The following CACNA2D3 variants were observed in gnomAD, a reference collection of about 807,000 sequenced individuals.
CACNA2D3 encodes the protein calcium voltage-gated channel auxiliary subunit alpha2delta 3, also known as voltage-dependent calcium channel subunit alpha-2/delta-3.
CACNA2D3 carries 60 observed loss-of-function variants against 160.6 expected under a neutral mutation model. That is an observed-to-expected ratio of 0.37 (90% CI 0.30 to 0.46). CACNA2D3 has a LOEUF of 0.46. CACNA2D3 is among the 20% of genes least tolerant of loss of function. The pLI is 1.00. For synonymous variants in CACNA2D3, 558 were observed against 492.9 expected (o/e 1.13, Z -1.75); for missense variants, 1,205 against 1,365.0 (o/e 0.88, Z 1.85).
chr3:54,240,920 TGAGTA>T (rs1157146583), intron 2 of CACNA2D3, among the ~76,000 whole-genome samples: 1 of 152,134 alleles, frequency 6.6e-6, no homozygotes, highest in Admixed American at 6.5e-5. Context: ...TTTTGTATTT[TGAGTA>T]GAGACGGGTT....
At chr3:55,031,703 G>C (rs1208084946) in intron 35 of CACNA2D3, among the ~76,000 whole-genome samples, 1 of 152,120 alleles carries the variant, frequency 6.6e-6, no homozygotes, top group Non-Finnish European at 1.5e-5. Context: ...TTCGTGCCTT[G>C]GAAGATATAG....
At chr3:54,819,937 C>A in intron 14 of CACNA2D3, among the ~76,000 whole-genome samples, 1 of 152,078 alleles carries the variant, frequency 6.6e-6, no homozygotes, top group East Asian at 1.9e-4. Flanking sequence ...TCTTGAAACC[C>A]CAACAAAGCA....
chr3:54,733,821 G>A (rs1701440732), intron 11 of CACNA2D3, among the ~76,000 whole-genome samples: 1 of 152,156 alleles, frequency 6.6e-6, no homozygotes. Context: ...GTTGCCTCCA[G>A]CGGTCTGAAC....
At chr3:54,463,392 T>C (rs370827172) in intron 4 of CACNA2D3, among the ~76,000 whole-genome samples, 1 of 152,200 alleles carries the variant, frequency 6.6e-6, no homozygotes, top group Non-Finnish European at 1.5e-5. Flanking sequence ...GTTCCATTCT[T>C]CCCGTCACTT....
intron 2 of CACNA2D3, among the ~76,000 whole-genome samples, chr3:54,255,270 A>G (rs1035721965): frequency 2.0e-5 from 3 of 152,216 alleles, no homozygotes; most frequent in Non-Finnish European, 4.4e-5. Flanking sequence ...AAACTTTCCA[A>G]ACTGAACTTG....
chr3:54,260,599 A>G (rs912717722), intron 2 of CACNA2D3, among the ~76,000 whole-genome samples: 1 of 152,200 alleles, frequency 6.6e-6, no homozygotes. Flanking sequence ...GAACTTGTAA[A>G]TTACATTTCC....
At chr3:54,153,163 G>A (rs924083713) in intron 2 of CACNA2D3, among the ~76,000 whole-genome samples, 8 of 152,276 alleles carry the variant, frequency 5.3e-5, no homozygotes, top group Non-Finnish European at 1.2e-4. Flanking sequence ...GACCTTGGGC[G>A]GGTATAAGTT....
At chr3:54,372,533 A>T (rs74445627) in intron 3 of CACNA2D3, among the ~76,000 whole-genome samples, 1,708 of 152,272 alleles carry the variant, frequency 0.011, 26 homozygotes, top group African/African-American at 0.039. Context: ...TTCAGTTTCT[A>T]CTGTCAGTTT....
At chr3:54,224,511 G>A (rs1159394837) in intron 2 of CACNA2D3, among the ~76,000 whole-genome samples, 1 of 152,136 alleles carries the variant, frequency 6.6e-6, no homozygotes, top group Non-Finnish European at 1.5e-5. Flanking sequence ...CAACACCTGG[G>A]ACATCACTAA....
At chr3:54,793,274 T>C (rs1380016125) in intron 13 of CACNA2D3, among the ~76,000 whole-genome samples, 1 of 152,262 alleles carries the variant, frequency 6.6e-6, no homozygotes, top group East Asian at 1.9e-4. Context: ...CGATATCTCC[T>C]GTGAGAAGTG....
rs75946899 is a variant in CACNA2D3 at position 54,880,154 on chromosome 3, G to A, written c.1845-642G>A. Among the ~76,000 whole-genome samples, 823 of 152,284 alleles carry A rather than the reference G, an allele frequency of 5.4e-3. 4 individuals carry two copies. The highest frequency in any genetic ancestry group is 0.016 in the African/African-American group (659 of 41,558). Reference sequence around the variant, plus strand: ...ATGGGTGGATTCCATGTGGAACCAGGAGCAAATAAGGACCACATGAGCTGC... The same window carrying A: ...ATGGGTGGATTCCATGTGGAACCAGAAGCAAATAAGGACCACATGAGCTGC... On this transcript the variant is annotated intron_variant, in intron 20 of 37. Coordinates refer to ENST00000474759, the MANE Select transcript of CACNA2D3 (RefSeq NM_018398.3).
At chr3:54,484,790 G>A (rs1015450057) in intron 4 of CACNA2D3, among the ~76,000 whole-genome samples, 29 of 151,888 alleles carry the variant, frequency 1.9e-4, no homozygotes, top group African/African-American at 6.8e-4. Flanking sequence ...TTTTTAGTCT[G>A]TTGTGAATTA....
At chr3:54,948,675 A>G (rs952427866) in intron 27 of CACNA2D3, among the ~76,000 whole-genome samples, 3 of 152,210 alleles carry the variant, frequency 2.0e-5, no homozygotes, top group Non-Finnish European at 1.5e-5. Flanking sequence ...GAAGGGCACC[A>G]TTCATGCCAC....
chr3:54,854,702 T>C (rs1699128566), intron 17 of CACNA2D3, among the ~76,000 whole-genome samples: 1 of 152,060 alleles, frequency 6.6e-6, no homozygotes, highest in South Asian at 2.1e-4. Context: ...CGTGGAGTGC[T>C]CACCACAGAG....
At chr3:54,755,754 A>T (rs1182631069) in intron 12 of CACNA2D3, among the ~76,000 whole-genome samples, 1 of 152,014 alleles carries the variant, frequency 6.6e-6, no homozygotes, top group Non-Finnish European at 1.5e-5. Flanking sequence ...AGTTAGCTAT[A>T]CTTTTCCCAT....
intron 13 of CACNA2D3, among the ~76,000 whole-genome samples, chr3:54,766,239 GA>G (rs1317286907): frequency 6.6e-6 from 1 of 151,960 alleles, no homozygotes; most frequent in Non-Finnish European, 1.5e-5. Flanking sequence ...TACACATGAA[GA>G]ATTAATAATC....
chr3:54,804,232 A>G (rs1703061531), intron 13 of CACNA2D3, among the ~76,000 whole-genome samples: 1 of 151,980 alleles, frequency 6.6e-6, no homozygotes, highest in Non-Finnish European at 1.5e-5. Flanking sequence ...AAATGGACTA[A>G]ATGCTCCAAT....
intron 27 of CACNA2D3, among the ~76,000 whole-genome samples, chr3:54,923,257 G>A (rs761746204): frequency 1.3e-5 from 2 of 152,106 alleles, no homozygotes; most frequent in Non-Finnish European, 2.9e-5. Flanking sequence ...TACTGGTGTT[G>A]TCTTGTCTGT....
At position 54,918,855 on chromosome 3, in the gene CACNA2D3, G is replaced by A. The variant is rs200962085; in HGVS notation, c.2449+18987G>A. 3 of 1,568,112 alleles carry A rather than the reference G, an allele frequency of 1.9e-6. No homozygotes were observed. The South Asian group carries it at 3.6e-5, about 19-fold the overall frequency. On this transcript the variant is annotated intron_variant, in intron 27 of 37. Coordinates refer to ENST00000474759, the MANE Select transcript of CACNA2D3 (RefSeq NM_018398.3). ...TAAGGAGGTCCTTTCCCTTCCAGGT[G>A]TCTGGTGATTCACAGATGATGCCGT...
Sources: allele counts gnomAD v4.1 joint callset (sites outside exome capture counted in the v4.1 genomes callset), GRCh38; gene constraint gnomAD v4.1.1; transcripts MANE v1.5; gene names NCBI Gene and HGNC (gene_info 2026-07-23, HGNC 2026-07-21).